The following NEDD4L variants were observed in gnomAD, a reference collection of about 807,000 sequenced individuals.
The protein encoded by NEDD4L is NEDD4 like E3 ubiquitin protein ligase.
Under a neutral mutation model 148.9 loss-of-function variants are expected in NEDD4L, and 54 were observed. That is an observed-to-expected ratio of 0.36 (90% CI 0.29 to 0.45). NEDD4L has a LOEUF of 0.45. NEDD4L is among the 20% of genes least tolerant of loss of function. NEDD4L has a pLI of 1.00. For missense variants in NEDD4L, 856 were observed against 1,233.8 expected (o/e 0.69, Z 4.59); for synonymous variants, 433 against 440.7 (o/e 0.98, Z 0.22).
chr18:58,331,475 A>T (rs2059782374), intron 11 of NEDD4L, among the ~76,000 whole-genome samples: 1 of 152,238 alleles, frequency 6.6e-6, no homozygotes, highest in Admixed American at 6.5e-5. Context: ...TGAAATTGTG[A>T]CACTGTCATC....
At chr18:58,272,783 A>G (rs1182124670) in intron 5 of NEDD4L, among the ~76,000 whole-genome samples, 1 of 152,196 alleles carries the variant, frequency 6.6e-6, no homozygotes, top group African/African-American at 2.4e-5. Context: ...CTGTCCAGGT[A>G]CTGTGCCGAG....
chr18:58,153,536 C>T lies in NEDD4L; in HGVS notation c.49-12252C>T, dbSNP rs548058360. On this transcript the variant is annotated intron_variant, in intron 1 of 30. Transcript: ENST00000400345. Reference sequence around the variant, plus strand: ...TCTATTTTTAGTAGATATGGGGTTTCACCATGTTGGCCAGGCTGGTCTCGC... The same window carrying T: ...TCTATTTTTAGTAGATATGGGGTTTTACCATGTTGGCCAGGCTGGTCTCGC... Among the ~76,000 whole-genome samples the T allele has an allele frequency of 4.6e-5, 7 of 152,084 alleles. No homozygotes were observed. In the South Asian group the frequency reaches 1.0e-3, roughly 23 times the overall value.
intron 24 of NEDD4L, among the ~76,000 whole-genome samples, chr18:58,375,600 G>A (rs1345801405): frequency 6.6e-6 from 1 of 151,984 alleles, no homozygotes; most frequent in African/African-American, 2.4e-5. Flanking sequence ...TTGCTGGCTC[G>A]ACACTGCCCA....
intron 2 of NEDD4L, among the ~76,000 whole-genome samples, chr18:58,194,481 C>T (rs2040451016): frequency 6.6e-6 from 1 of 152,160 alleles, no homozygotes; most frequent in African/African-American, 2.4e-5. Context: ...TCAATAAAGC[C>T]TTTATTTTCC....
intron 5 of NEDD4L, among the ~76,000 whole-genome samples, chr18:58,287,476 G>A (rs1008089326): frequency 2.0e-5 from 3 of 152,144 alleles, no homozygotes; most frequent in Admixed American, 2.0e-4. Context: ...GCCTCCCTCA[G>A]GATCATGAGT....
intron 1 of NEDD4L, among the ~76,000 whole-genome samples, chr18:58,076,065 A>C (rs2083141680): frequency 6.6e-6 from 1 of 152,238 alleles, no homozygotes; most frequent in Non-Finnish European, 1.5e-5. Flanking sequence ...CCACTTGATA[A>C]ATATAGTGAA....
At chr18:58,162,273 T>C (rs886208096) in intron 1 of NEDD4L, among the ~76,000 whole-genome samples, 4 of 152,110 alleles carry the variant, frequency 2.6e-5, no homozygotes, top group Non-Finnish European at 5.9e-5. Flanking sequence ...CACCCTCTCC[T>C]GAAGCTGGCC....
intron 2 of NEDD4L, chr18:58,197,746 C>T (rs1293678874): frequency 6.6e-6 from 1 of 152,234 alleles, no homozygotes. Flanking sequence ...GCTCTCTTTG[C>T]CTTGGATGGA....
chr18:58,391,387 G>A, intron 29 of NEDD4L, 100 bp from the exon 30 acceptor site: 1 of 942,616 alleles, frequency 1.1e-6, no homozygotes, highest in East Asian at 2.6e-5. Flanking sequence ...CACCCCTGGG[G>A]GCAAACCCTG....
At chr18:58,290,115 A>G (rs545432405) in intron 5 of NEDD4L, among the ~76,000 whole-genome samples, 1 of 152,370 alleles carries the variant, frequency 6.6e-6, no homozygotes, top group South Asian at 2.1e-4. Flanking sequence ...ACTCCTAGAC[A>G]TTAGACTTCA....
At chr18:58,165,046 C>T (rs1231250911) in intron 1 of NEDD4L, among the ~76,000 whole-genome samples, 1 of 152,222 alleles carries the variant, frequency 6.6e-6, no homozygotes, top group Non-Finnish European at 1.5e-5. Context: ...TCCTAAATGT[C>T]GTAGCCCTTA....
At chr18:58,322,722 T>C (rs71355695) in intron 7 of NEDD4L, among the ~76,000 whole-genome samples, 2 of 130,338 alleles carry the variant, frequency 1.5e-5, no homozygotes, top group Non-Finnish European at 3.2e-5. Context: ...TGGGTGGGGA[T>C]GCCTGCCTTG....
rs770115069 is a variant in NEDD4L at position 58,343,128 on chromosome 18, T to C, written c.1575+25T>C. On this transcript the variant is annotated intron_variant, in intron 16 of 30. Transcript: ENST00000400345. ...GGTAAGGCTGCTGCTTTTATTTGGC[T>C]CCATTTTCATCATGAAGTCTGGCAT... 7.8e-6 allele frequency: 12 copies of C among 1,541,536 alleles called. No individual in the cohort carries two copies. In the Admixed American group the frequency reaches 1.3e-4, roughly 17 times the overall value.
chr18:58,260,618 A>G (rs1360873192), intron 5 of NEDD4L, among the ~76,000 whole-genome samples: 2 of 152,256 alleles, frequency 1.3e-5, no homozygotes, highest in Non-Finnish European at 2.9e-5. Context: ...CATTATGTGT[A>G]TATCATAGTG....
At chr18:58,242,249 G>A (rs1174085297) in intron 2 of NEDD4L, among the ~76,000 whole-genome samples, 1 of 152,202 alleles carries the variant, frequency 6.6e-6, no homozygotes, top group Non-Finnish European at 1.5e-5. Flanking sequence ...AAGAGAGGAA[G>A]CAAAGAACAG....
Position 58,378,716 on chromosome 18 carries a change from G to A in NEDD4L, c.2353-4530G>A, listed in dbSNP as rs185124006. On this transcript the variant is annotated intron_variant, in intron 24 of 30. Coordinates refer to ENST00000400345, the MANE Select transcript of NEDD4L (RefSeq NM_001144967.3). ...AGGATTTGTGAGCACCCATCAGTGGGCGTTTGCCCAGCAGTGCTCCGTTTC... is the reference window on the plus strand; with the variant it reads ...AGGATTTGTGAGCACCCATCAGTGGACGTTTGCCCAGCAGTGCTCCGTTTC... 2.8e-3 allele frequency among the ~76,000 whole-genome samples: 428 copies of A among 152,336 alleles called. 3 individuals are homozygous for A. Among genetic ancestry groups the A allele is most frequent in the Non-Finnish European group, 3.5e-3 (240 of 68,020 alleles).
intron 13 of NEDD4L, among the ~76,000 whole-genome samples, chr18:58,336,915 G>A (rs113105442): frequency 0.016 from 2,376 of 152,294 alleles, 57 homozygotes; most frequent in African/African-American, 0.051. Context: ...GGACAAGATC[G>A]TTTTGTGAGA....
intron 2 of NEDD4L, among the ~76,000 whole-genome samples, chr18:58,167,544 C>A (rs581326): frequency 0.51 from 77,544 of 151,896 alleles, 20,045 homozygotes; most frequent in Admixed American, 0.59. Flanking sequence ...CTCTCCTAAT[C>A]CCTCTTAGCT....
intron 2 of NEDD4L, among the ~76,000 whole-genome samples, chr18:58,183,394 C>T (rs1176015422): frequency 1.3e-5 from 2 of 152,218 alleles, no homozygotes; most frequent in East Asian, 3.8e-4. Flanking sequence ...GTTACCTGTA[C>T]CCTGCCAGCT....
Sources: gnomAD v4.1 joint callset for allele counts (sites outside exome capture counted in the v4.1 genomes callset) on GRCh38, gnomAD v4.1.1 for gene constraint, MANE v1.5 for transcripts, NCBI Gene and HGNC (gene_info 2026-07-23, HGNC 2026-07-21) for gene names.